Variants in KIAA1549 observed in about 807,000 individuals in gnomAD.
The protein encoded by KIAA1549 is KIAA1549, also known as UPF0606 protein KIAA1549.
A neutral mutation model predicts 156.4 loss-of-function variants in KIAA1549; 70 were observed. That is an observed-to-expected ratio of 0.45 (90% CI 0.37 to 0.55). The LOEUF is 0.55. Among genes scored for constraint, KIAA1549 ranks in the 20% least tolerant of loss-of-function variants. The pLI, the probability that KIAA1549 is intolerant of heterozygous loss-of-function variation, is 0.00. For missense variants in KIAA1549, 2,428 were observed against 2,540.9 expected (o/e 0.96, Z 0.96); for synonymous variants, 1,103 against 1,066.4 (o/e 1.03, Z -0.67).
At chr7:138,904,228 C>T (rs527706045) in intron 7 of KIAA1549, among the ~76,000 whole-genome samples, 8 of 152,334 alleles carry the variant, frequency 5.3e-5, no homozygotes, top group Middle Eastern at 3.4e-3. Context: ...ATGATCTCAA[C>T]AGACAATCAC....
At chr7:138,844,506 T>C in intron 17 of KIAA1549, 32 bp from the exon 18 acceptor site, 3 of 1,494,522 alleles carry the variant, frequency 2.0e-6, no homozygotes, top group Non-Finnish European at 2.7e-6. Context: ...ACATCAGGAC[T>C]CCACTGCACC....
At position 138,852,279 on chromosome 7, in the gene KIAA1549, A is replaced by G. The variant is rs1272769558; in HGVS notation, c.5248-10T>C. The G allele has an allele frequency of 6.3e-7, 1 of 1,588,166 alleles. No homozygotes were observed. Among genetic ancestry groups the G allele is most frequent in the African/African-American group, 1.3e-5 (1 of 74,170 alleles). On this transcript the variant is annotated splice_polypyrimidine_tract_variant and intron_variant, in intron 16 of 19. Coordinates refer to ENST00000422774, the MANE Select transcript of KIAA1549 (RefSeq NM_001164665.2). Reference sequence around the variant, plus strand: ...CATAGTCTTCGTATCTCTGGAAGACATACAAAAGAACATGAAGATTAATAT... The same window carrying G: ...CATAGTCTTCGTATCTCTGGAAGACGTACAAAAGAACATGAAGATTAATAT...
At chr7:138,968,383 A>C (rs1334255433) in intron 1 of KIAA1549, among the ~76,000 whole-genome samples, 2 of 152,208 alleles carry the variant, frequency 1.3e-5, no homozygotes, top group Non-Finnish European at 2.9e-5. Flanking sequence ...TAAAAACGTA[A>C]CATAAAATTT....
At chr7:138,868,669 G>A (rs1810826377) in intron 14 of KIAA1549, among the ~76,000 whole-genome samples, 1 of 152,154 alleles carries the variant, frequency 6.6e-6, no homozygotes, top group Non-Finnish European at 1.5e-5. Context: ...TCCTGACCTC[G>A]TGATCCGCCT....
At chr7:138,951,944 G>C (rs190511500) in intron 1 of KIAA1549, among the ~76,000 whole-genome samples, 122 of 152,288 alleles carry the variant, frequency 8.0e-4, no homozygotes, top group African/African-American at 2.8e-3. Context: ...AATACTAAAA[G>C]AATCGCCTCT....
At chr7:138,860,185 C>A (rs1810531781) in intron 16 of KIAA1549, among the ~76,000 whole-genome samples, 1 of 152,156 alleles carries the variant, frequency 6.6e-6, no homozygotes, top group Non-Finnish European at 1.5e-5. Context: ...GTTGTTGGAA[C>A]AAGCTATATT....
intron 1 of KIAA1549, among the ~76,000 whole-genome samples, chr7:138,936,439 C>T (rs575221642): frequency 6.6e-6 from 1 of 152,130 alleles, no homozygotes; most frequent in Admixed American, 6.6e-5. Flanking sequence ...TACAATGACC[C>T]GCTCAGAGCC....
rs373245068 is a variant in KIAA1549 at position 138,919,371 on chromosome 7, A to G, written c.255T>C (p.Thr85=). 3.0e-5 allele frequency: 48 copies of G among 1,613,906 alleles called. No individual in the cohort carries two copies. The highest frequency in any genetic ancestry group is 4.0e-5 in the Non-Finnish European group (47 of 1,179,904). ...YSMELVLKKS[T]GHSAAQVALT... ...AGGCCACTTGTGCAGCGCTGTGCCC[A>G]GTGCTTTTCTTCAGCACGAGCTCCA... Residue 85 remains threonine, a synonymous_variant, in exon 2 of 20, where the codon ACT becomes ACC. Transcript: ENST00000422774.
At chr7:138,881,955 G>T (rs112517317) in intron 10 of KIAA1549, among the ~76,000 whole-genome samples, 7 of 152,296 alleles carry the variant, frequency 4.6e-5, no homozygotes, top group African/African-American at 1.2e-4. Context: ...GCTACAAAGA[G>T]AATGTTCTAG....
chr7:138,937,806 G>C (rs1280140715), intron 1 of KIAA1549, among the ~76,000 whole-genome samples: 1 of 152,168 alleles, frequency 6.6e-6, no homozygotes, highest in Non-Finnish European at 1.5e-5. Flanking sequence ...TCTAGGGTTT[G>C]AGAGAGAAAT....
chr7:138,911,280 C>T lies in KIAA1549; in HGVS notation c.3011G>A (p.Gly1004Asp), dbSNP rs1205938896. ...FTDFTFLVTS[G>D]PFVYTAISVI... ...GGATATTGCCGTGTAAACGAAAGGA[C>T]CGGATGTTACCAGAAAAGTGAAGTC... The change falls in exon 4 of 20, where the codon GGT (glycine) becomes GAT (aspartate). Residue 1004 changes from glycine to aspartate, a missense_variant. Gly to Asp is a moderately conservative substitution (Grantham distance 94). This residue lies in a region of KIAA1549 where 762 missense variants were observed against 901.6 expected (regional missense o/e 0.85). Coordinates refer to ENST00000422774, the MANE Select transcript of KIAA1549 (RefSeq NM_001164665.2). 4.4e-6 allele frequency: 7 copies of T among 1,602,254 alleles called. No individual in the cohort carries two copies. Among genetic ancestry groups the T allele is most frequent in the East Asian group, 2.2e-5 (1 of 44,632 alleles).
intron 19 of KIAA1549, 126 bp downstream of exon 19, chr7:138,840,007 G>C (rs1007708372): frequency 5.2e-6 from 4 of 763,964 alleles, no homozygotes; most frequent in Middle Eastern, 2.5e-4. Context: ...GGCCAGGCTG[G>C]TCTCAAACTC....
At chr7:138,861,832 T>C (rs1378290801) in intron 15 of KIAA1549, among the ~76,000 whole-genome samples, 5 of 152,084 alleles carry the variant, frequency 3.3e-5, no homozygotes, top group East Asian at 1.9e-4. Context: ...AATCGCATCA[T>C]TGTACTCCAG....
At chr7:138,861,594 T>C in intron 15 of KIAA1549, 138 bp from the exon 16 acceptor site, 2 of 730,778 alleles carry the variant, frequency 2.7e-6, no homozygotes, top group Non-Finnish European at 4.4e-6. Flanking sequence ...GGCTCACACC[T>C]TTAATTCCAG....
intron 17 of KIAA1549, among the ~76,000 whole-genome samples, chr7:138,851,575 T>G (rs1810233773): frequency 6.8e-6 from 1 of 147,468 alleles, no homozygotes; most frequent in Non-Finnish European, 1.5e-5. Context: ...GGTGTGGGGG[T>G]GTGTGTGGAA....
chr7:138,903,853 G>A (rs1010039719), intron 7 of KIAA1549, 117 bp from the exon 8 acceptor site: 1 of 360,378 alleles, frequency 2.8e-6, no homozygotes, highest in Non-Finnish European at 4.1e-6. Flanking sequence ...GTGTGTGTGT[G>A]CGCGCGCGCG....
intron 6 of KIAA1549, among the ~76,000 whole-genome samples, chr7:138,905,904 T>C (rs56659288): frequency 0.057 from 8,674 of 152,262 alleles, 841 homozygotes; most frequent in African/African-American, 0.2. Flanking sequence ...CACATAATCA[T>C]CACCACAATG....
At position 138,886,019 on chromosome 7, in the gene KIAA1549, C is replaced by A. The variant is rs140952172; in HGVS notation, c.4033-4435G>T. The stretch of plus-strand genomic sequence containing the variant: ...CTGCTGCTTGGTGTGTGAGGAAAGC[C>A]CCCCCCCAAATTCGGTCACAGAAGT... On this transcript the variant is annotated intron_variant, in intron 10 of 19. Transcript: ENST00000422774. Among the ~76,000 whole-genome samples the A allele has an allele frequency of 6.2e-4, 94 of 151,188 alleles. No individual in the cohort carries two copies. The East Asian group carries it at 0.015, about 25-fold the overall frequency.
intron 1 of KIAA1549, among the ~76,000 whole-genome samples, chr7:138,972,771 C>G (rs1321697905): frequency 2.6e-5 from 4 of 152,074 alleles, no homozygotes; most frequent in Non-Finnish European, 1.5e-5. Context: ...GGTAAATTAG[C>G]CATGAGGTCC....
Sources: gnomAD v4.1 joint callset for allele counts (sites outside exome capture counted in the v4.1 genomes callset) on GRCh38, gnomAD v4.1.1 for gene constraint, gnomAD v4.1.1 regional missense constraint, MANE v1.5 for transcripts, NCBI Gene and HGNC (gene_info 2026-07-23, HGNC 2026-07-21) for gene names.